The following LRRC4C variants were observed in gnomAD, a reference collection of about 807,000 sequenced individuals.
The protein encoded by LRRC4C is leucine rich repeat containing 4C, also known as leucine-rich repeat-containing protein 4C.
In LRRC4C, 5 loss-of-function variants were observed where a neutral mutation model predicts 33.6. The ratio of observed to expected loss-of-function variants is 0.15; its 90% CI spans 0.08 to 0.31. LRRC4C has a LOEUF of 0.31. Ranked by LOEUF, LRRC4C falls within the 10% of genes least tolerant of loss-of-function variation. LRRC4C has a pLI of 1.00. For synonymous variants in LRRC4C, 329 were observed against 302.0 expected (o/e 1.09, Z -0.93); for missense variants, 560 against 796.7 (o/e 0.70, Z 3.58).
rs77120965 is a variant in LRRC4C, at chr11:41,216,877, T to A, written c.-496+242554A>T. ...ATAAAAGAAAAACAATTTAGATACC[T>A]ATCTATGTTTTTAATTTATATTGCT... On this transcript the variant is annotated intron_variant, in intron 1 of 6. Coordinates refer to ENST00000528697, the MANE Select transcript of LRRC4C (RefSeq NM_001258419.2). Among the ~76,000 whole-genome samples the A allele has an allele frequency of 2.0e-4, 30 of 152,054 alleles. 1 individual carries two copies. Among genetic ancestry groups the A allele is most frequent in the African/African-American group, 7.3e-4 (30 of 41,358 alleles).
intron 1 of LRRC4C, among the ~76,000 whole-genome samples, chr11:41,022,139 G>GTT (rs138056535): frequency 0.17 from 18,246 of 106,598 alleles, 1,247 homozygotes; most frequent in Middle Eastern, 0.2. Flanking sequence ...TTACAATTTT[G>GTT]TTTTATATAT....
chr11:40,677,100 C>T (rs10742548), intron 2 of LRRC4C, among the ~76,000 whole-genome samples: 58,831 of 151,876 alleles, frequency 0.39, 11,669 homozygotes, highest in East Asian at 0.61. Context: ...ACTTTTCATA[C>T]ATTTGCTGGG....
chr11:41,258,804 C>T (rs1176753335), intron 1 of LRRC4C, among the ~76,000 whole-genome samples: 1 of 152,008 alleles, frequency 6.6e-6, no homozygotes, highest in Non-Finnish European at 1.5e-5. Flanking sequence ...ATGCCTTCAA[C>T]TTGAAATTAG....
chr11:40,991,740 T>C (rs1442797035), intron 1 of LRRC4C, among the ~76,000 whole-genome samples: 6 of 152,112 alleles, frequency 3.9e-5, no homozygotes, highest in African/African-American at 1.4e-4. Context: ...TATACACAGT[T>C]CACGATAGGG....
At chr11:41,430,819 C>T (rs1275222022) in intron 1 of LRRC4C, among the ~76,000 whole-genome samples, 1 of 151,908 alleles carries the variant, frequency 6.6e-6, no homozygotes, top group Admixed American at 6.6e-5. Context: ...TTTATTTTCT[C>T]ATGAGAGTAG....
In LRRC4C at chr11:41,001,107, C is replaced by T. The variant is rs1202850623; in HGVS notation, c.-495-67384G>A. On this transcript the variant is annotated intron_variant, in intron 1 of 6. Transcript: ENST00000528697. Reference sequence around the variant, plus strand: ...TATAATACCTGGTACAAAGGAGGTGCCCAATTAATATTTTTGACTGATTAA... The same window carrying T: ...TATAATACCTGGTACAAAGGAGGTGTCCAATTAATATTTTTGACTGATTAA... 2.6e-5 allele frequency among the ~76,000 whole-genome samples: 4 copies of T among 151,804 alleles called. No individual in the cohort carries two copies. In the South Asian group the frequency reaches 6.2e-4, roughly 24 times the overall value.
chr11:40,536,385 G>A lies in LRRC4C; in HGVS notation c.-270+111757C>T, dbSNP rs1956473701. On this transcript the variant is annotated intron_variant, in intron 3 of 6. Coordinates refer to ENST00000528697, the MANE Select transcript of LRRC4C (RefSeq NM_001258419.2). ...ATTTTTGTATTTTTAGTAGAGACGG[G>A]GTTTCACCATGTTGGCCAGGATGGT... is the stretch of plus-strand genomic sequence containing the variant. 2.0e-5 allele frequency among the ~76,000 whole-genome samples: 3 copies of A among 152,052 alleles called. No homozygotes were observed. In the South Asian group the frequency reaches 6.2e-4, roughly 32 times the overall value.
chr11:41,054,692 A>G (rs1350357372), intron 1 of LRRC4C, among the ~76,000 whole-genome samples: 1 of 152,144 alleles, frequency 6.6e-6, no homozygotes, highest in Non-Finnish European at 1.5e-5. Flanking sequence ...TATTTGGGAG[A>G]AGTTTTAGTC....
chr11:41,123,930 C>T (rs754205178), intron 1 of LRRC4C, among the ~76,000 whole-genome samples: 1 of 152,156 alleles, frequency 6.6e-6, no homozygotes, highest in Non-Finnish European at 1.5e-5. Context: ...CAACTTAACG[C>T]CCCATAACAT....
At chr11:41,081,158 A>T (rs187468441) in intron 1 of LRRC4C, among the ~76,000 whole-genome samples, 192 of 152,316 alleles carry the variant, frequency 1.3e-3, no homozygotes, top group African/African-American at 4.4e-3. Context: ...GGAAAGTTGT[A>T]ATTTGACATC....
At chr11:40,924,122 G>GTA (rs1555003536) in intron 2 of LRRC4C, among the ~76,000 whole-genome samples, 3,430 of 145,136 alleles carry the variant, frequency 0.024, 73 homozygotes, top group African/African-American at 0.053. Context: ...GTGTGTGTGT[G>GTA]TATATATATA....
intron 3 of LRRC4C, among the ~76,000 whole-genome samples, chr11:40,346,187 T>C (rs2137048043): frequency 6.6e-6 from 1 of 152,236 alleles, no homozygotes. Flanking sequence ...CACCCAGAAA[T>C]CCCATTACTG....
intron 5 of LRRC4C, among the ~76,000 whole-genome samples, chr11:40,170,306 A>G (rs1054544982): frequency 1.3e-5 from 2 of 152,192 alleles, no homozygotes; most frequent in Non-Finnish European, 2.9e-5. Context: ...GATGCTAACT[A>G]TGCTCCCGTG....
At chr11:41,186,139 G>A (rs1945685382) in intron 1 of LRRC4C, among the ~76,000 whole-genome samples, 1 of 152,126 alleles carries the variant, frequency 6.6e-6, no homozygotes. Flanking sequence ...TAAAGTCTTA[G>A]TGTTTTGTCT....
chr11:40,241,006 T>A (rs150019318), intron 5 of LRRC4C, among the ~76,000 whole-genome samples: 66 of 152,336 alleles, frequency 4.3e-4, no homozygotes, highest in African/African-American at 1.5e-3. Flanking sequence ...CATCAAAATG[T>A]CTCAACGCTG....
intron 1 of LRRC4C, among the ~76,000 whole-genome samples, chr11:41,281,104 T>A (rs71470167): frequency 0.3 from 31,358 of 102,978 alleles, 5,969 homozygotes; most frequent in Non-Finnish European, 0.4. Flanking sequence ...TCTCTCTCTC[T>A]CACACACACA....
chr11:41,436,846 T>A (rs1432737576), intron 1 of LRRC4C, among the ~76,000 whole-genome samples: 1 of 152,136 alleles, frequency 6.6e-6, no homozygotes, highest in Admixed American at 6.5e-5. Context: ...ACTTTTAACA[T>A]CCTGAAATGA....
At chr11:41,114,699 G>T (rs140201121) in intron 1 of LRRC4C, among the ~76,000 whole-genome samples, 280 of 152,074 alleles carry the variant, frequency 1.8e-3, no homozygotes, top group African/African-American at 6.3e-3. Context: ...CATAGTTTAT[G>T]ACAAGGATAT....
At chr11:40,705,935 T>A (rs1946148386) in intron 2 of LRRC4C, among the ~76,000 whole-genome samples, 1 of 152,250 alleles carries the variant, frequency 6.6e-6, no homozygotes, top group South Asian at 2.1e-4. Context: ...GTGGTTTTGA[T>A]GTGCATTTCT....
Sources: gnomAD v4.1 joint callset for allele counts (sites outside exome capture counted in the v4.1 genomes callset) on GRCh38, gnomAD v4.1.1 for gene constraint, MANE v1.5 for transcripts, NCBI Gene and HGNC (gene_info 2026-07-23, HGNC 2026-07-21) for gene names.